Variants in SV2C observed in about 807,000 individuals in gnomAD.
SV2C encodes synaptic vesicle glycoprotein 2C.
SV2C carries 49 observed loss-of-function variants against 79.7 expected under a neutral mutation model. The observed-to-expected ratio is 0.61, with a 90% confidence interval of 0.49 to 0.78. SV2C has a LOEUF of 0.78. Among genes scored for constraint, SV2C ranks in the 30% least tolerant of loss-of-function variants. The probability of loss-of-function intolerance (pLI) is 0.00; values close to 1 mark genes in which losing one functional copy is unlikely to be tolerated. For missense variants in SV2C, 833 were observed against 912.9 expected (o/e 0.91, Z 1.13); for synonymous variants, 334 against 333.2 (o/e 1.00, Z -0.03).
chr5:76,231,798 T>G (rs1344605110), intron 4 of SV2C, among the ~76,000 whole-genome samples: 2 of 146,108 alleles, frequency 1.4e-5, no homozygotes, highest in Admixed American at 6.6e-5. Flanking sequence ...TAGTATTCCA[T>G]GGTGTATATG....
intron 3 of SV2C, 127 bp downstream of exon 3, chr5:76,195,226 G>A (rs115503674): frequency 0.021 from 19,571 of 939,672 alleles, 392 homozygotes; most frequent in African/African-American, 0.067. Context: ...GTCAGCCCTG[G>A]AAACCACAAT....
At position 76,138,303 on chromosome 5, in the gene SV2C, G is replaced by A. The variant is rs77453163; in HGVS notation, c.580+5973G>A. On this transcript the variant is annotated intron_variant, in intron 2 of 12. Transcript: ENST00000502798. ...CTATGTTCCTTTCCAGTTCCCTCAC[G>A]TTTTCATTTAAAGCACTTTCAATGG... is the stretch of plus-strand genomic sequence containing the variant. 5.4e-3 allele frequency among the ~76,000 whole-genome samples: 826 copies of A among 152,174 alleles called. 3 individuals are homozygous for A. Among genetic ancestry groups the A allele is most frequent in the African/African-American group, 0.018 (766 of 41,508 alleles).
At chr5:75,971,363 T>C in the SV2C span, among the ~76,000 whole-genome samples, 1 of 151,970 alleles carries the variant, frequency 6.6e-6, no homozygotes, top group Non-Finnish European at 1.5e-5. Context: ...GGTATTCAAT[T>C]AGGAAAAGAG....
At chr5:76,027,010 C>G in the SV2C span, among the ~76,000 whole-genome samples, 20 of 150,106 alleles carry the variant, frequency 1.3e-4, no homozygotes. Context: ...TGGATTAAGT[C>G]AATTTGGGTA....
intron 2 of SV2C, among the ~76,000 whole-genome samples, chr5:76,169,568 G>A (rs1040554538): frequency 1.4e-4 from 22 of 152,244 alleles, no homozygotes; most frequent in African/African-American, 4.8e-4. Flanking sequence ...GTAGCACTAC[G>A]GGAATCCATC....
At position 76,325,391 on chromosome 5, in the gene SV2C, G is replaced by T; in HGVS notation, c.2028G>T (p.Ala676=). Residue 676 remains alanine (A), a synonymous_variant, in exon 13 of 13, where the codon GCG becomes GCT. Coordinates refer to ENST00000502798, the MANE Select transcript of SV2C (RefSeq NM_014979.4). ...CAACAGGCTTTGGCTTCTTAAATGC[G>T]CTATGCAAGGCAGCAGCCGTCCTGG... ...RRATGFGFLN[A]LCKAAAVLGN... is the part of the protein sequence containing the mutation. 5 of 1,614,108 alleles carry T rather than the reference G, an allele frequency of 3.1e-6. No individual in the cohort carries two copies. The highest frequency in any genetic ancestry group is 2.2e-5 in the East Asian group (1 of 44,872).
chr5:75,848,701 G>A, the SV2C span, among the ~76,000 whole-genome samples: 1 of 152,108 alleles, frequency 6.6e-6, no homozygotes, highest in Non-Finnish European at 1.5e-5. Context: ...GAGGGGTTGG[G>A]GGGTGTGTAT....
chr5:76,054,167 C>T, the SV2C span, among the ~76,000 whole-genome samples: 15 of 152,070 alleles, frequency 9.9e-5, no homozygotes, highest in Admixed American at 2.6e-4. Context: ...TGACAGGCCC[C>T]GGTGTGTGAT....
the SV2C span, among the ~76,000 whole-genome samples, chr5:75,938,963 G>T: frequency 6.6e-6 from 1 of 152,062 alleles, no homozygotes; most frequent in Non-Finnish European, 1.5e-5. Flanking sequence ...ATGGCAAAAT[G>T]GTTCATAACC....
the SV2C span, among the ~76,000 whole-genome samples, chr5:75,886,113 G>A: frequency 6.6e-6 from 1 of 152,060 alleles, no homozygotes; most frequent in East Asian, 1.9e-4. Flanking sequence ...CCTTGGGTGA[G>A]TCAGCCCCTT....
chr5:76,209,509 G>A (rs1744703542), intron 3 of SV2C, among the ~76,000 whole-genome samples: 1 of 152,002 alleles, frequency 6.6e-6, no homozygotes. Flanking sequence ...GCCACCTCTT[G>A]GTAACATAGC....
chr5:75,934,082 C>G, the SV2C span, among the ~76,000 whole-genome samples: 1 of 152,150 alleles, frequency 6.6e-6, no homozygotes, highest in Non-Finnish European at 1.5e-5. Flanking sequence ...GAATTTACTA[C>G]TACCATCTCC....
intron 2 of SV2C, among the ~76,000 whole-genome samples, chr5:76,137,140 G>A (rs1294611269): frequency 6.6e-6 from 1 of 152,134 alleles, no homozygotes; most frequent in Non-Finnish European, 1.5e-5. Context: ...CAATTAGATT[G>A]GGAGGATTGA....
At chr5:76,217,512 G>A (rs1039818358) in intron 4 of SV2C, among the ~76,000 whole-genome samples, 1 of 152,220 alleles carries the variant, frequency 6.6e-6, no homozygotes, top group African/African-American at 2.4e-5. Flanking sequence ...AAGCTTTTCA[G>A]TCTGATCCAG....
chr5:76,257,018 A>G (rs1466152165), intron 4 of SV2C, among the ~76,000 whole-genome samples: 1 of 152,232 alleles, frequency 6.6e-6, no homozygotes, highest in African/African-American at 2.4e-5. Context: ...CCTCTGTATC[A>G]AAGCACATTT....
chr5:76,064,810 A>T, the SV2C span, among the ~76,000 whole-genome samples: 48 of 152,320 alleles, frequency 3.2e-4, no homozygotes, highest in African/African-American at 1.1e-3. Context: ...AAAATGCTAT[A>T]TTAACTGCTA....
the SV2C span, among the ~76,000 whole-genome samples, chr5:75,966,709 G>C: frequency 6.6e-6 from 1 of 152,176 alleles, no homozygotes; most frequent in East Asian, 1.9e-4. Context: ...TGTTCTGCAA[G>C]GAGCAATCAC....
the SV2C span, among the ~76,000 whole-genome samples, chr5:75,888,321 C>T: frequency 2.7e-5 from 4 of 146,688 alleles, no homozygotes; most frequent in African/African-American, 1.1e-4. Flanking sequence ...CTTAAAGTCT[C>T]CTTGCTTTTT....
At chr5:76,296,586 C>G (rs1354395076) in intron 9 of SV2C, among the ~76,000 whole-genome samples, 1 of 152,158 alleles carries the variant, frequency 6.6e-6, no homozygotes, top group Non-Finnish European at 1.5e-5. Flanking sequence ...AGACCAAGTA[C>G]TTGTTTATAT....
Sources: gnomAD v4.1 joint callset for allele counts (sites outside exome capture counted in the v4.1 genomes callset) on GRCh38, gnomAD v4.1.1 for gene constraint, MANE v1.5 for transcripts, NCBI Gene and HGNC (gene_info 2026-07-23, HGNC 2026-07-21) for gene names.